The following LRP1B variants were observed in gnomAD, a reference collection of about 807,000 sequenced individuals.
LRP1B encodes the protein LDL receptor related protein 1B.
LRP1B carries 217 observed loss-of-function variants against 556.6 expected under a neutral mutation model. That is an observed-to-expected ratio of 0.39 (90% CI 0.35 to 0.44). The LOEUF (loss-of-function observed/expected upper bound fraction) is 0.44. Ranked by LOEUF, LRP1B falls within the 20% of genes least tolerant of loss-of-function variation. LRP1B has a pLI of 1.00. For missense variants in LRP1B, 5,053 were observed against 5,620.8 expected (o/e 0.90, Z 3.23); for synonymous variants, 2,047 against 1,865.8 (o/e 1.10, Z -2.50).
intron 10 of LRP1B, among the ~76,000 whole-genome samples, chr2:141,050,525 G>T (rs958833889): frequency 1.3e-5 from 2 of 151,966 alleles, no homozygotes; most frequent in Non-Finnish European, 2.9e-5. Flanking sequence ...AGGCCCCGTT[G>T]TGTGTTGTTC....
chr2:141,464,606 AT>A (rs71391651), intron 3 of LRP1B, among the ~76,000 whole-genome samples: 2 of 90,560 alleles, frequency 2.2e-5, no homozygotes, highest in African/African-American at 8.6e-5. Flanking sequence ...ATATATATAT[AT>A]TTTTTTAGTA....
At chr2:141,303,404 T>C (rs1036573962) in intron 3 of LRP1B, among the ~76,000 whole-genome samples, 1 of 152,126 alleles carries the variant, frequency 6.6e-6, no homozygotes, top group East Asian at 1.9e-4. Context: ...GTTGTATCCA[T>C]TAGTCAATGT....
chr2:142,044,870 A>C (rs546263745), intron 1 of LRP1B, among the ~76,000 whole-genome samples: 13 of 151,888 alleles, frequency 8.6e-5, no homozygotes, highest in African/African-American at 3.1e-4. Context: ...TTTCTTGGGC[A>C]TACAGATACA....
chr2:142,014,766 G>A (rs1195299400), intron 1 of LRP1B, among the ~76,000 whole-genome samples: 1 of 152,068 alleles, frequency 6.6e-6, no homozygotes, highest in Non-Finnish European at 1.5e-5. Flanking sequence ...CAGAGACAAG[G>A]GAGGGCAGAA....
rs1685752634 is a variant in LRP1B, at chr2:140,678,605, G to C, written c.6799+21645C>G. ...TATTTTCCTCTAAAAATAATTCACT[G>C]GTTTCAGCCTTTGAATATTGCATTA... On this transcript the variant is annotated intron_variant, in intron 41 of 90. Transcript: ENST00000389484. 2.6e-5 allele frequency among the ~76,000 whole-genome samples: 4 copies of C among 152,092 alleles called. No homozygotes were observed. The South Asian group carries it at 8.3e-4, about 32-fold the overall frequency.
intron 66 of LRP1B, among the ~76,000 whole-genome samples, chr2:140,439,184 A>C (rs1055671066): frequency 6.6e-6 from 1 of 152,162 alleles, no homozygotes; most frequent in East Asian, 1.9e-4. Context: ...AAAAAGTTTG[A>C]AGTTGAAATT....
chr2:141,394,184 AG>A (rs1273539439), intron 3 of LRP1B, among the ~76,000 whole-genome samples: 1 of 152,164 alleles, frequency 6.6e-6, no homozygotes, highest in African/African-American at 2.4e-5. Context: ...CTGCATAATA[AG>A]AAATCATCTC....
rs562257097 is a variant in LRP1B at position 141,096,599 on chromosome 2, C to G, written c.1014-34326G>C. Among the ~76,000 whole-genome samples, 5 of 124,182 alleles carry G rather than the reference C, an allele frequency of 4.0e-5. No homozygotes were observed. In the East Asian group the frequency reaches 1.1e-3, roughly 27 times the overall value. The allele number at this position is 124,182 out of a possible 152,430, so 81.5% of individuals were successfully genotyped here. A position where few individuals can be genotyped will look rare whatever the true frequency, so the allele number is the denominator to read the frequency against. On this transcript the variant is annotated intron_variant, in intron 7 of 90. Transcript: ENST00000389484. Reference sequence around the variant, plus strand: ...TGAGCCGAGAACATGCCACTGCACCCTAGCCTGAATGACAAAGACGGGGAG... The same window carrying G: ...TGAGCCGAGAACATGCCACTGCACCGTAGCCTGAATGACAAAGACGGGGAG...
intron 1 of LRP1B, among the ~76,000 whole-genome samples, chr2:142,075,726 C>T (rs1051916158): frequency 2.0e-5 from 3 of 152,088 alleles, no homozygotes; most frequent in African/African-American, 7.2e-5. Context: ...TTTCCCTCCG[C>T]CTCTATTCCT....
chr2:141,492,246 A>G (rs553144868), intron 2 of LRP1B, among the ~76,000 whole-genome samples: 1 of 152,186 alleles, frequency 6.6e-6, no homozygotes, highest in South Asian at 2.1e-4. Flanking sequence ...AAATGAGCTC[A>G]TTTCTATAAT....
intron 47 of LRP1B, among the ~76,000 whole-genome samples, chr2:140,532,926 C>A (rs578204689): frequency 1.8e-5 from 2 of 110,452 alleles, no homozygotes; most frequent in African/African-American, 7.8e-5. Context: ...AATCACAGCA[C>A]AAGATATATA....
chr2:141,352,002 G>A (rs1338154919), intron 3 of LRP1B, among the ~76,000 whole-genome samples: 4 of 151,880 alleles, frequency 2.6e-5, no homozygotes, highest in Non-Finnish European at 5.9e-5. Context: ...AAAGTGTAAA[G>A]TGTTTATTAC....
At chr2:141,945,435 TTAAGA>T (rs1700925266) in intron 1 of LRP1B, among the ~76,000 whole-genome samples, 2 of 152,196 alleles carry the variant, frequency 1.3e-5, no homozygotes, top group South Asian at 4.2e-4. Flanking sequence ...TTTACCTCTC[TTAAGA>T]TATGTATCAT....
At chr2:140,593,364 G>T (rs1682303746) in intron 43 of LRP1B, among the ~76,000 whole-genome samples, 1 of 152,136 alleles carries the variant, frequency 6.6e-6, no homozygotes, top group African/African-American at 2.4e-5. Context: ...GTAACTGCAG[G>T]GAGATAGGTT....
chr2:141,676,272 T>C (rs1032411379), intron 2 of LRP1B, among the ~76,000 whole-genome samples: 2 of 152,074 alleles, frequency 1.3e-5, no homozygotes, highest in African/African-American at 4.8e-5. Context: ...GCAGTGACCA[T>C]TACGTAGTCA....
At chr2:141,103,965 T>G (rs776814038) in intron 7 of LRP1B, among the ~76,000 whole-genome samples, 3 of 152,012 alleles carry the variant, frequency 2.0e-5, no homozygotes, top group Non-Finnish European at 4.4e-5. Flanking sequence ...TCTCCATGTT[T>G]TTCACGTTCG....
intron 1 of LRP1B, among the ~76,000 whole-genome samples, chr2:141,969,334 T>TA (rs112760433): frequency 2.8e-4 from 42 of 151,384 alleles, no homozygotes; most frequent in Admixed American, 8.6e-4. Context: ...TTCACCATGT[T>TA]AAAAAAAATA....
intron 86 of LRP1B, among the ~76,000 whole-genome samples, chr2:140,267,530 TTA>T (rs1264373907): frequency 6.6e-6 from 1 of 151,954 alleles, no homozygotes; most frequent in Non-Finnish European, 1.5e-5. Context: ...ACTGTATTGT[TTA>T]GAGAATAACG....
Position 140,370,692 on chromosome 2 carries a change from C to G in LRP1B, c.11008+18G>C. ...TCATTCTCTCATTTACAGGCACACA[C>G]ACACAAAAATACCTTACCTCTTTCA... On this transcript the variant is annotated intron_variant, in intron 71 of 90. Coordinates refer to ENST00000389484, the MANE Select transcript of LRP1B (RefSeq NM_018557.3). The G allele has an allele frequency of 6.2e-7, 1 of 1,611,426 alleles. No individual in the cohort carries two copies. The highest frequency in any genetic ancestry group is 8.5e-7 in the Non-Finnish European group (1 of 1,178,374).
Sources: allele counts gnomAD v4.1 joint callset (sites outside exome capture counted in the v4.1 genomes callset), GRCh38; gene constraint gnomAD v4.1.1; transcripts MANE v1.5; gene names NCBI Gene and HGNC (gene_info 2026-07-23, HGNC 2026-07-21).